The following GPR149 variants were observed in gnomAD, a reference collection of about 807,000 sequenced individuals.
GPR149 encodes G protein-coupled receptor 149, also known as probable G protein-coupled receptor 149.
Under a neutral mutation model 50.2 loss-of-function variants are expected in GPR149, and 50 were observed. The observed-to-expected ratio is 1.00, with a 90% CI of 0.79 to 1.26. The LOEUF is 1.26. GPR149 is among the 50% of genes most tolerant of loss of function. GPR149 has a pLI of 0.00. For synonymous variants in GPR149, 405 were observed against 358.2 expected, an observed-to-expected ratio of 1.13 and a Z score of -1.48; for missense variants, 983 against 895.4, an observed-to-expected ratio of 1.10 and a Z score of -1.25.
At chr3:154,374,062 C>T (rs1714730469) in intron 3 of GPR149, among the ~76,000 whole-genome samples, 1 of 152,002 alleles carries the variant, frequency 6.6e-6, no homozygotes, top group African/African-American at 2.4e-5. Context: ...GTTTTCCTGA[C>T]CAGTTTAAAA....
chr3:154,368,863 T>A (rs931984553), intron 3 of GPR149, among the ~76,000 whole-genome samples: 5 of 152,190 alleles, frequency 3.3e-5, no homozygotes, highest in African/African-American at 1.2e-4. Flanking sequence ...GGCCTTAGCA[T>A]GCAAGCATCA....
rs981072780 is a variant in GPR149 at position 154,337,430 on chromosome 3, T to C, written c.*269A>G. Among the ~76,000 whole-genome samples, 1 of 152,176 alleles carries C rather than the reference T, an allele frequency of 6.6e-6. No homozygotes were observed. The highest frequency in any genetic ancestry group is 1.5e-5 in the Non-Finnish European group (1 of 68,016). ...TTGACAAGCAAAAACATTGGTAAACTAGGCCAAGATTTGATTTAGAAAATA... is the reference window on the plus strand; with the variant it reads ...TTGACAAGCAAAAACATTGGTAAACCAGGCCAAGATTTGATTTAGAAAATA... On this transcript the variant is annotated 3_prime_UTR_variant, in exon 4 of 4. Coordinates refer to ENST00000389740, the MANE Select transcript of GPR149 (RefSeq NM_001038705.3).
intron 3 of GPR149, among the ~76,000 whole-genome samples, chr3:154,415,467 C>G (rs1449503005): frequency 6.6e-6 from 1 of 151,840 alleles, no homozygotes; most frequent in African/African-American, 2.4e-5. Context: ...AATTTATATT[C>G]ATGGATGAAT....
In GPR149 at chr3:154,427,525, C is replaced by A. The variant is rs1334016051; in HGVS notation, c.1165G>T (p.Gly389Trp). 2.2e-5 allele frequency: 35 copies of A among 1,602,314 alleles called. No individual in the cohort carries two copies. Among genetic ancestry groups the A allele is most frequent in the Non-Finnish European group, 2.9e-5 (34 of 1,176,200 alleles). Residue 389 changes from glycine to tryptophan, a missense_variant, in exon 2 of 4, where the codon GGG (glycine) becomes TGG (tryptophan). Gly to Trp is a radical substitution (Grantham distance 184). Coordinates refer to ENST00000389740, the MANE Select transcript of GPR149 (RefSeq NM_001038705.3). The part of the protein sequence containing the change: ...RQNAYAVASD[G>W]KKIKRKGFEF... Reference sequence around the variant, plus strand: ...AGTGTTGAGGACTTACTTTTTTTCCCATCGGACGCCACTGCATATGCGTTC... The same window carrying A: ...AGTGTTGAGGACTTACTTTTTTTCCAATCGGACGCCACTGCATATGCGTTC...
chr3:154,395,637 A>G (rs549445073), intron 3 of GPR149, among the ~76,000 whole-genome samples: 2 of 152,090 alleles, frequency 1.3e-5, no homozygotes, highest in East Asian at 3.9e-4. Context: ...AAAATAAACT[A>G]AACTAAACTT....
At chr3:154,340,467 C>T (rs1278351288) in intron 3 of GPR149, among the ~76,000 whole-genome samples, 2 of 152,202 alleles carry the variant, frequency 1.3e-5, no homozygotes, top group African/African-American at 4.8e-5. Flanking sequence ...TATACATCCA[C>T]TTATTAAACA....
intron 3 of GPR149, among the ~76,000 whole-genome samples, chr3:154,360,268 A>G (rs989294080): frequency 6.6e-6 from 1 of 152,186 alleles, no homozygotes; most frequent in Non-Finnish European, 1.5e-5. Flanking sequence ...TTTAATGACT[A>G]TACTAAGGTT....
chr3:154,338,327 T>C (rs2108381960), intron 3 of GPR149, 56 bp from the exon 4 acceptor site: 2 of 1,312,380 alleles, frequency 1.5e-6, no homozygotes, highest in African/African-American at 1.5e-5. Context: ...GGTTGAGACA[T>C]TTAGAAATTC....
chr3:154,381,624 T>C (rs1037896941), intron 3 of GPR149, among the ~76,000 whole-genome samples: 5 of 152,160 alleles, frequency 3.3e-5, no homozygotes, highest in Non-Finnish European at 5.9e-5. Context: ...GTTTAAGATA[T>C]TTAATATAAA....
chr3:154,377,129 T>A (rs1274305502), intron 3 of GPR149, among the ~76,000 whole-genome samples: 2 of 150,454 alleles, frequency 1.3e-5, no homozygotes, highest in Non-Finnish European at 3.0e-5. Flanking sequence ...ATTTATAAAG[T>A]AAAAAGACGT....
In GPR149 at chr3:154,337,713, T is replaced by G; in HGVS notation, c.2182A>C (p.Ser728Arg). 1 of 1,598,970 alleles carries G rather than the reference T, an allele frequency of 6.3e-7. No individual in the cohort carries two copies. Among genetic ancestry groups the G allele is most frequent in the African/African-American group, 1.3e-5 (1 of 74,702 alleles). The part of the protein sequence containing the change: ...NKAYRKREEE[S>R]KGS The stretch of plus-strand genomic sequence containing the variant: ...CCAAATACCCACTAACTACCCTTGC[T>G]TTCTTCCTCTCTTTTTCTGTAAGCT... Residue 728 changes from serine (S) to arginine (R), a missense_variant, in exon 4 of 4, where the codon AGC (serine) becomes CGC (arginine). Physicochemically the swap from Ser to Arg is moderately radical, Grantham distance 110. Transcript: ENST00000389740.
intron 2 of GPR149, among the ~76,000 whole-genome samples, chr3:154,426,247 T>C (rs1169921758): frequency 6.6e-6 from 1 of 152,200 alleles, no homozygotes; most frequent in Non-Finnish European, 1.5e-5. Context: ...TAAAACTTAA[T>C]GGCATTCTTA....
Position 154,394,712 on chromosome 3 carries a change from C to T in GPR149, c.1623+26327G>A, listed in dbSNP as rs372146649. On this transcript the variant is annotated intron_variant, in intron 3 of 3. Transcript: ENST00000389740. ...TATAAGGAACTCATACAACTCAATG[C>T]ATAGAAAAAGCAACAATTAATAACC... 7.2e-5 allele frequency among the ~76,000 whole-genome samples: 11 copies of T among 152,088 alleles called. No individual in the cohort carries two copies. In the South Asian group the frequency reaches 1.5e-3, roughly 20 times the overall value.
At chr3:154,350,622 T>C (rs764733212) in intron 3 of GPR149, among the ~76,000 whole-genome samples, 8 of 152,196 alleles carry the variant, frequency 5.3e-5, no homozygotes, top group Non-Finnish European at 1.0e-4. Flanking sequence ...GAAATTGATC[T>C]ATACATTTAA....
intron 3 of GPR149, among the ~76,000 whole-genome samples, chr3:154,370,963 C>T (rs1714651318): frequency 6.6e-6 from 1 of 152,054 alleles, no homozygotes; most frequent in Non-Finnish European, 1.5e-5. Context: ...GAACAAATTA[C>T]CTATTTGTTG....
At chr3:154,359,176 A>C (rs1714322734) in intron 3 of GPR149, among the ~76,000 whole-genome samples, 1 of 152,182 alleles carries the variant, frequency 6.6e-6, no homozygotes, top group Non-Finnish European at 1.5e-5. Flanking sequence ...CTTCTTATCT[A>C]GAAAATAATT....
At chr3:154,338,835 C>A (rs980207818) in intron 3 of GPR149, among the ~76,000 whole-genome samples, 1 of 152,010 alleles carries the variant, frequency 6.6e-6, no homozygotes, top group African/African-American at 2.4e-5. Context: ...CTACAAAGAG[C>A]GTACTTTTCC....
At chr3:154,373,065 G>A (rs1476321010) in intron 3 of GPR149, among the ~76,000 whole-genome samples, 1 of 152,106 alleles carries the variant, frequency 6.6e-6, no homozygotes, top group Admixed American at 6.5e-5. Context: ...AAATATTTGG[G>A]TATATATTTG....
chr3:154,378,590 A>T (rs1470855023), intron 3 of GPR149, among the ~76,000 whole-genome samples: 1 of 152,024 alleles, frequency 6.6e-6, no homozygotes, highest in African/African-American at 2.4e-5. Flanking sequence ...ATTTTTAAGG[A>T]AACAGCTCAA....
Sources: allele counts gnomAD v4.1 joint callset (sites outside exome capture counted in the v4.1 genomes callset), GRCh38; gene constraint gnomAD v4.1.1; transcripts MANE v1.5; gene names NCBI Gene and HGNC (gene_info 2026-07-23, HGNC 2026-07-21).